Variants in DRC7 observed in about 807,000 individuals in gnomAD.
DRC7 encodes coiled-coil domain containing 135.
Under a neutral mutation model 104.4 loss-of-function variants are expected in DRC7, and 80 were observed. The observed-to-expected ratio is 0.77, with a 90% confidence interval of 0.64 to 0.92. The LOEUF (loss-of-function observed/expected upper bound fraction) is 0.92. Among genes scored for constraint, DRC7 ranks in the 40% least tolerant of loss-of-function variants. DRC7 has a pLI of 0.00. For synonymous variants in DRC7, 405 were observed against 447.3 expected (o/e 0.91, Z 1.19); for missense variants, 1,034 against 1,141.1 (o/e 0.91, Z 1.35).
chr16:57,723,019 A>T lies in DRC7; in HGVS notation c.1426A>T (p.Ile476Leu), dbSNP rs2048921252. The T allele has an allele frequency of 6.2e-7, 1 of 1,613,746 alleles. No homozygotes were observed. Residue 476 changes from isoleucine to leucine, a missense_variant, in exon 12 of 19, where the codon ATA becomes TTA. Transcript: ENST00000360716. ...EDLQCTNILE[I>L]KEWYQNREDM... Reference sequence around the variant, plus strand: ...CCCCACAGGTACCAATATTTTGGAGATAAAGGAGTGGTACCAGAACCGGGA... The same window carrying T: ...CCCCACAGGTACCAATATTTTGGAGTTAAAGGAGTGGTACCAGAACCGGGA...
chr16:57,727,819 G>A (rs1466389286), intron 16 of DRC7, among the ~76,000 whole-genome samples: 1 of 152,232 alleles, frequency 6.6e-6, no homozygotes, highest in African/African-American at 2.4e-5. Flanking sequence ...GCCCCGCCTG[G>A]TTTTCAGGGC....
chr16:57,709,851 C>A (rs2048775029), intron 8 of DRC7, among the ~76,000 whole-genome samples: 2 of 152,176 alleles, frequency 1.3e-5, no homozygotes, highest in Admixed American at 1.3e-4. Flanking sequence ...CTCACTGCAA[C>A]CTCTGGACTC....
chr16:57,729,121 GGTGGGT>G (rs2049012933), intron 17 of DRC7, among the ~76,000 whole-genome samples: 1 of 139,726 alleles, frequency 7.2e-6, no homozygotes, highest in Non-Finnish European at 1.5e-5. Context: ...TGGATGAGTG[GGTGGGT>G]AGATGGATGA....
Position 57,707,493 on chromosome 16 carries a change from G to A in DRC7, c.892G>A (p.Gly298Ser), listed in dbSNP as rs371355067. The A allele has an allele frequency of 1.5e-5, 24 of 1,613,160 alleles. No homozygotes were observed. Among genetic ancestry groups the A allele is most frequent in the East Asian group, 2.2e-5 (1 of 44,894 alleles). Residue 298 changes from glycine to serine, a missense_variant, in exon 8 of 19, where the codon GGC becomes AGC. Physicochemically the swap from Gly to Ser is moderately conservative, Grantham distance 56 (BLOSUM62 0). Transcript: ENST00000360716. Reference sequence around the variant, plus strand: ...GAAGGCAAAGCCGGATGCCCTGCACGGCCTGCGGGTGCACTCCTGGGTCCT... The same window carrying A: ...GAAGGCAAAGCCGGATGCCCTGCACAGCCTGCGGGTGCACTCCTGGGTCCT... ...AEKAKPDALH[G>S]LRVHSWVLVL...
At chr16:57,721,941 G>A (rs2048907887) in intron 10 of DRC7, among the ~76,000 whole-genome samples, 1 of 144,436 alleles carries the variant, frequency 6.9e-6, no homozygotes. Flanking sequence ...AGGGCCTGAC[G>A]ACCAGTCTGG....
rs370719639 is a variant in DRC7, at chr16:57,707,447, C to G, written c.859-13C>G. On this transcript the variant is annotated splice_polypyrimidine_tract_variant and intron_variant, in intron 7 of 18. Coordinates refer to ENST00000360716, the MANE Select transcript of DRC7 (RefSeq NM_001289162.2). ...AGCCATCTGACTCGTAGTCACCCAC[C>G]TTTCCTTGGCAGGAAGCGGAGAAGG... 6.8e-6 allele frequency: 11 copies of G among 1,606,434 alleles called. No individual in the cohort carries two copies. In the South Asian group the frequency reaches 8.9e-5, roughly 13 times the overall value.
Position 57,722,777 on chromosome 16 carries a change from G to A in DRC7, c.1344G>A (p.Lys448=). 2.5e-6 allele frequency: 4 copies of A among 1,613,932 alleles called. No individual in the cohort carries two copies. The highest frequency in any genetic ancestry group is 3.4e-6 in the Non-Finnish European group (4 of 1,180,018). The change falls in exon 11 of 19, where the codon AAG becomes AAA. Residue 448 remains lysine, a synonymous_variant. Coordinates refer to ENST00000360716, the MANE Select transcript of DRC7 (RefSeq NM_001289162.2). The part of the protein sequence containing the change: ...VIQYKRAKLE[K]WAPYLNSNGL... ...AGTACAAGAGGGCAAAGCTGGAGAA[G>A]TGGGCCCCGTACCTCAATAGCAATG... is the stretch of plus-strand genomic sequence containing the variant.
chr16:57,695,667 G>C (rs1346143333), intron 1 of DRC7, among the ~76,000 whole-genome samples: 1 of 152,234 alleles, frequency 6.6e-6, no homozygotes, highest in Non-Finnish European at 1.5e-5. Context: ...GGGCTACCTA[G>C]GCCTTGGGTG....
At chr16:57,711,297 T>C (rs1251478268) in intron 8 of DRC7, among the ~76,000 whole-genome samples, 2 of 152,276 alleles carry the variant, frequency 1.3e-5, no homozygotes, top group African/African-American at 4.8e-5. Flanking sequence ...TTTAGTGACA[T>C]TACCCCATTC....
intron 8 of DRC7, among the ~76,000 whole-genome samples, chr16:57,717,621 C>T (rs1203984457): frequency 6.6e-6 from 1 of 151,754 alleles, no homozygotes; most frequent in Non-Finnish European, 1.5e-5. Flanking sequence ...ATCGCTTGAA[C>T]CTGGGAGGCA....
At chr16:57,712,977 G>C (rs1234925203) in intron 8 of DRC7, among the ~76,000 whole-genome samples, 2 of 152,140 alleles carry the variant, frequency 1.3e-5, no homozygotes, top group Admixed American at 6.5e-5. Flanking sequence ...TAATTCATGG[G>C]CCATTTGAAA....
At chr16:57,702,166 G>T in intron 6 of DRC7, 36 bp downstream of exon 6, 1 of 1,606,666 alleles carries the variant, frequency 6.2e-7, no homozygotes. Context: ...GTTTCCCAAA[G>T]GATGAACATT....
chr16:57,713,130 T>A (rs2048806122), intron 8 of DRC7, among the ~76,000 whole-genome samples: 1 of 152,250 alleles, frequency 6.6e-6, no homozygotes, highest in African/African-American at 2.4e-5. Flanking sequence ...TTATGGACCA[T>A]AATATGGTCT....
chr16:57,718,133 G>A (rs569487345), intron 8 of DRC7, among the ~76,000 whole-genome samples: 1 of 152,344 alleles, frequency 6.6e-6, no homozygotes, highest in East Asian at 1.9e-4. Context: ...TGGGCAGGGA[G>A]TTCTGCTCCC....
Position 57,719,045 on chromosome 16 carries a change from C to T in DRC7, c.1206+570C>T, listed in dbSNP as rs373437918. Reference sequence around the variant, plus strand: ...GTTGCAGAGCGGGGTCATAACACCCCGCTCTGCAACCCCCTGGGAGTCCCA... The same window carrying T: ...GTTGCAGAGCGGGGTCATAACACCCTGCTCTGCAACCCCCTGGGAGTCCCA... On this transcript the variant is annotated intron_variant, in intron 9 of 18. Coordinates refer to ENST00000360716, the MANE Select transcript of DRC7 (RefSeq NM_001289162.2). 6.6e-5 allele frequency among the ~76,000 whole-genome samples: 10 copies of T among 151,696 alleles called. No homozygotes were observed. The South Asian group carries it at 1.7e-3, about 26-fold the overall frequency.
At chr16:57,713,352 T>C (rs1240993170) in intron 8 of DRC7, among the ~76,000 whole-genome samples, 1 of 152,256 alleles carries the variant, frequency 6.6e-6, no homozygotes, top group African/African-American at 2.4e-5. Context: ...GCTACAATTT[T>C]GGATTTCTCT....
At chr16:57,695,214 C>G (rs2048581232) in intron 1 of DRC7, among the ~76,000 whole-genome samples, 1 of 152,064 alleles carries the variant, frequency 6.6e-6, no homozygotes, top group Non-Finnish European at 1.5e-5. Context: ...CTTCAGCCTA[C>G]TTCTTTCCTT....
At position 57,726,847 on chromosome 16, in the gene DRC7, C is replaced by A; in HGVS notation, c.1990C>A (p.His664Asn). The change falls in exon 15 of 19, where the codon CAC (histidine) becomes AAC (asparagine). Residue 664 changes from histidine (H) to asparagine (N), a missense_variant. Coordinates refer to ENST00000360716, the MANE Select transcript of DRC7 (RefSeq NM_001289162.2). ...GTTGTCCCAGGTGGAGCCCATGGAG[C>A]ACACCAAGAAGCTGCTCTACCAGTA... ...CISFEVEPME[H>N]TKKLLYQYEA... 6.2e-7 allele frequency: 1 copy of A among 1,611,776 alleles called. No individual in the cohort carries two copies. Among genetic ancestry groups the A allele is most frequent in the Non-Finnish European group, 8.5e-7 (1 of 1,178,776 alleles).
At chr16:57,722,112 C>T (rs555173220) in intron 10 of DRC7, among the ~76,000 whole-genome samples, 1 of 152,318 alleles carries the variant, frequency 6.6e-6, no homozygotes, top group Non-Finnish European at 1.5e-5. Context: ...CGGAGAGGGG[C>T]AGGTAGAGAA....
Sources: allele counts gnomAD v4.1 joint callset (sites outside exome capture counted in the v4.1 genomes callset), GRCh38; gene constraint gnomAD v4.1.1; transcripts MANE v1.5; gene names NCBI Gene and HGNC (gene_info 2026-07-23, HGNC 2026-07-21).